The following KCNQ3 variants were observed in gnomAD, a reference collection of about 807,000 sequenced individuals.
The protein encoded by KCNQ3 is potassium voltage-gated channel subfamily Q member 3.
KCNQ3 carries 30 observed loss-of-function variants against 92.5 expected under a neutral mutation model. The ratio of observed to expected loss-of-function variants is 0.32; its 90% CI spans 0.24 to 0.44. KCNQ3 has a LOEUF of 0.44. KCNQ3 is among the 20% of genes least tolerant of loss of function. The probability of loss-of-function intolerance (pLI) is 1.00; values close to 1 mark genes in which losing one functional copy is unlikely to be tolerated. For missense variants in KCNQ3, 913 were observed against 1,140.3 expected (o/e 0.80, Z 2.87); for synonymous variants, 450 against 468.8 (o/e 0.96, Z 0.52).
rs570828377 is a variant in KCNQ3, at chr8:132,413,360, C to T, written c.386+66787G>A. Among the ~76,000 whole-genome samples the T allele has an allele frequency of 3.9e-5, 6 of 152,330 alleles. No homozygotes were observed. In the South Asian group the frequency reaches 1.2e-3, roughly 32 times the overall value. On this transcript the variant is annotated intron_variant, in intron 1 of 14. Coordinates refer to ENST00000388996, the MANE Select transcript of KCNQ3 (RefSeq NM_004519.4). Reference sequence around the variant, plus strand: ...TCTTCACCTACGTTATTTCAAGTCACCCTTCAGACTTCAGTTTAAGCATCA... The same window carrying T: ...TCTTCACCTACGTTATTTCAAGTCATCCTTCAGACTTCAGTTTAAGCATCA...
chr8:132,275,074 GT>G, intron 1 of KCNQ3, among the ~76,000 whole-genome samples: 1 of 152,122 alleles, frequency 6.6e-6, no homozygotes, highest in African/African-American at 2.4e-5. Flanking sequence ...TCAGCAGAGG[GT>G]TTTAAGTAAA....
chr8:132,234,038 G>A (rs1814723770), intron 1 of KCNQ3, among the ~76,000 whole-genome samples: 1 of 152,208 alleles, frequency 6.6e-6, no homozygotes, highest in Admixed American at 6.5e-5. Context: ...GGGGCAGTAG[G>A]CGTAAACTAG....
At chr8:132,302,454 T>C (rs148767198) in intron 1 of KCNQ3, among the ~76,000 whole-genome samples, 1 of 152,312 alleles carries the variant, frequency 6.6e-6, no homozygotes, top group African/African-American at 2.4e-5. Flanking sequence ...CTTGATATGA[T>C]CCACCTCGCC....
intron 1 of KCNQ3, among the ~76,000 whole-genome samples, chr8:132,477,996 T>C (rs1822454939): frequency 6.6e-6 from 1 of 152,236 alleles, no homozygotes; most frequent in South Asian, 2.1e-4. Flanking sequence ...TTCATATCTT[T>C]ATATAACGGA....
At chr8:132,195,832 G>A (rs967939457) in intron 1 of KCNQ3, among the ~76,000 whole-genome samples, 21 of 152,114 alleles carry the variant, frequency 1.4e-4, no homozygotes, top group Non-Finnish European at 7.3e-5. Context: ...GCTATTCCTC[G>A]CAAACAGGAG....
chr8:132,465,671 G>A (rs1822155438), intron 1 of KCNQ3, among the ~76,000 whole-genome samples: 1 of 152,206 alleles, frequency 6.6e-6, no homozygotes. Context: ...ATGAACCCAG[G>A]AGGTGGAGCT....
At chr8:132,431,986 G>T (rs1006445857) in intron 1 of KCNQ3, among the ~76,000 whole-genome samples, 2 of 152,088 alleles carry the variant, frequency 1.3e-5, no homozygotes, top group African/African-American at 4.8e-5. Context: ...CATCAATATT[G>T]GCTTCTCCAA....
intron 1 of KCNQ3, among the ~76,000 whole-genome samples, chr8:132,460,327 C>T (rs948531683): frequency 6.6e-5 from 10 of 152,136 alleles, no homozygotes; most frequent in Admixed American, 3.9e-4. Context: ...TATTTCTATT[C>T]ATAACCATCT....
rs776128068 is a variant in KCNQ3 at position 132,129,552 on chromosome 8, G to T, written c.2329C>A (p.Arg777=). 4.3e-6 allele frequency: 7 copies of T among 1,614,008 alleles called. No individual in the cohort carries two copies. Among genetic ancestry groups the T allele is most frequent in the Non-Finnish European group, 5.9e-6 (7 of 1,180,012 alleles). ...TCTCGCGTGATGCTACGTCTCTGCC[G>T]GGGGGAGATTCGGTCCGAGTAGGGG... ...QGPYSDRISP[R]QRRSITRDSD... Residue 777 remains arginine (R), a synonymous_variant, in exon 15 of 15, where the codon CGG becomes AGG. Coordinates refer to ENST00000388996, the MANE Select transcript of KCNQ3 (RefSeq NM_004519.4). This position sits in a 1 kb window ranked among gnomAD's most constrained non-coding sequence, Gnocchi z 5.9.
chr8:132,227,469 C>A (rs193226666), intron 1 of KCNQ3, among the ~76,000 whole-genome samples: 75 of 152,236 alleles, frequency 4.9e-4, no homozygotes, highest in African/African-American at 1.8e-3. Flanking sequence ...GTCTGCAAGT[C>A]TAAAAGGAAG....
intron 9 of KCNQ3, 80 bp downstream of exon 9, chr8:132,163,387 TG>T (rs1192582254): frequency 1.7e-6 from 2 of 1,182,862 alleles, no homozygotes; most frequent in Non-Finnish European, 1.3e-6. Flanking sequence ...TGACCTCCCA[TG>T]GGGCCCTACA....
intron 1 of KCNQ3, among the ~76,000 whole-genome samples, chr8:132,398,337 T>C (rs1820247549): frequency 6.6e-6 from 1 of 152,146 alleles, no homozygotes; most frequent in African/African-American, 2.4e-5. Context: ...TGATTTTGCT[T>C]TTGCATTTTA....
intron 1 of KCNQ3, among the ~76,000 whole-genome samples, chr8:132,380,080 T>G (rs565179789): frequency 6.6e-6 from 1 of 152,302 alleles, no homozygotes; most frequent in East Asian, 1.9e-4. Flanking sequence ...ATACCTATTG[T>G]GTGCTAAGCA....
At chr8:132,349,550 A>T (rs1818796629) in intron 1 of KCNQ3, among the ~76,000 whole-genome samples, 1 of 152,254 alleles carries the variant, frequency 6.6e-6, no homozygotes, top group Non-Finnish European at 1.5e-5. Flanking sequence ...ATAAGATGTT[A>T]GCAGATGTGA....
In KCNQ3 at chr8:132,129,577, G is replaced by T. The variant is rs894928437; in HGVS notation, c.2304C>A (p.Gly768=). The T allele has an allele frequency of 2.5e-6, 4 of 1,614,200 alleles. No homozygotes were observed. The highest frequency in any genetic ancestry group is 1.7e-5 in the Admixed American group (1 of 60,032). ...VSCHSQADLQ[G]PYSDRISPRQ... Reference sequence around the variant, plus strand: ...GGGGGGAGATTCGGTCCGAGTAGGGGCCCTGCAGGTCAGCCTGGGAGTGGC... The same window carrying T: ...GGGGGGAGATTCGGTCCGAGTAGGGTCCCTGCAGGTCAGCCTGGGAGTGGC... Residue 768 remains glycine, a synonymous_variant, in exon 15 of 15, where the codon GGC becomes GGA. Coordinates refer to ENST00000388996, the MANE Select transcript of KCNQ3 (RefSeq NM_004519.4). This position sits in a 1 kb window ranked among gnomAD's most constrained non-coding sequence, Gnocchi z 5.9.
At chr8:132,255,876 T>C (rs2130454389) in intron 1 of KCNQ3, among the ~76,000 whole-genome samples, 1 of 152,344 alleles carries the variant, frequency 6.6e-6, no homozygotes, top group South Asian at 2.1e-4. Flanking sequence ...CTGGGGGATC[T>C]AATTTCTGAA....
chr8:132,226,437 GGGAGT>G (rs1814423469), intron 1 of KCNQ3, among the ~76,000 whole-genome samples: 1 of 152,142 alleles, frequency 6.6e-6, no homozygotes, highest in South Asian at 2.1e-4. Flanking sequence ...GCGTGTGTAG[GGGAGT>G]GGAGGCAGGT....
rs575450115 is a variant in KCNQ3 at position 132,436,887 on chromosome 8, A to G, written c.386+43260T>C. 6.6e-5 allele frequency among the ~76,000 whole-genome samples: 10 copies of G among 152,180 alleles called. No individual in the cohort carries two copies. In the South Asian group the frequency reaches 2.1e-3, roughly 32 times the overall value. On this transcript the variant is annotated intron_variant, in intron 1 of 14. Coordinates refer to ENST00000388996, the MANE Select transcript of KCNQ3 (RefSeq NM_004519.4). ...TCGCAGATTTCCACCCACTTACTCC[A>G]GGCAGCCCAGGTGTCTCTTGTCTTT... is the stretch of plus-strand genomic sequence containing the variant.
chr8:132,443,079 G>A (rs192829300), intron 1 of KCNQ3, among the ~76,000 whole-genome samples: 1 of 152,276 alleles, frequency 6.6e-6, no homozygotes, highest in Non-Finnish European at 1.5e-5. Flanking sequence ...TATTTCCAAG[G>A]AAATTAGAAT....
Sources: allele counts gnomAD v4.1 joint callset (sites outside exome capture counted in the v4.1 genomes callset), GRCh38; gene constraint gnomAD v4.1.1; non-coding constraint Gnocchi (gnomAD v3.1); transcripts MANE v1.5; gene names NCBI Gene and HGNC (gene_info 2026-07-23, HGNC 2026-07-21).